Variants in EPB41L5 observed in about 807,000 individuals in gnomAD.
The protein encoded by EPB41L5 is erythrocyte membrane protein band 4.1 like 5.
EPB41L5 carries 55 observed loss-of-function variants against 106.6 expected under a neutral mutation model. That is an observed-to-expected ratio of 0.52 (90% CI 0.42 to 0.65). The LOEUF (loss-of-function observed/expected upper bound fraction) is 0.65. EPB41L5 is among the 30% of genes least tolerant of loss of function. EPB41L5 has a pLI of 0.00. For synonymous variants in EPB41L5, 297 were observed against 306.7 expected, an observed-to-expected ratio of 0.97 and a Z score of 0.33; for missense variants, 871 against 882.1, an observed-to-expected ratio of 0.99 and a Z score of 0.16.
Position 120,019,066 on chromosome 2 carries a change from T to C in EPB41L5, c.-8-11T>C, listed in dbSNP as rs370389592. ...TTTCCTGATGCCATCTTTTTCTCTC[T>C]GTTTTTATAGTGACAAAAATGCTGA... is the stretch of plus-strand genomic sequence containing the variant. On this transcript the variant is annotated splice_polypyrimidine_tract_variant and intron_variant, in intron 1 of 24. Transcript: ENST00000263713. 24 of 1,577,044 alleles carry C rather than the reference T, an allele frequency of 1.5e-5. No homozygotes were observed. In the African/African-American group the frequency reaches 2.2e-4, roughly 14 times the overall value.
chr2:120,128,256 A>AACACACACACGC (rs1553511742), intron 17 of EPB41L5, among the ~76,000 whole-genome samples: 15 of 145,348 alleles, frequency 1.0e-4, no homozygotes, highest in African/African-American at 3.3e-4. Context: ...GGTGCTTTAA[A>AACACACACACGC]ACACACACAC....
intron 2 of EPB41L5, among the ~76,000 whole-genome samples, chr2:120,028,488 A>G (rs1040086986): frequency 3.3e-5 from 5 of 152,166 alleles, no homozygotes; most frequent in Admixed American, 2.6e-4. Context: ...GTGGACTATG[A>G]TCATCCCACT....
chr2:120,044,141 T>TAA (rs201677401), intron 3 of EPB41L5, among the ~76,000 whole-genome samples: 12 of 131,036 alleles, frequency 9.2e-5, no homozygotes, highest in South Asian at 7.4e-4. Context: ...CCCTGTCTCT[T>TAA]AAAAAAAAAA....
intron 3 of EPB41L5, among the ~76,000 whole-genome samples, chr2:120,063,547 T>G (rs1681225815): frequency 6.6e-6 from 1 of 152,064 alleles, no homozygotes; most frequent in African/African-American, 2.4e-5. Context: ...GTACTATGCT[T>G]ATTACCTGGG....
chr2:120,075,240 A>G (rs1270608845), intron 5 of EPB41L5, among the ~76,000 whole-genome samples: 1 of 152,252 alleles, frequency 6.6e-6, no homozygotes, highest in Non-Finnish European at 1.5e-5. Context: ...AAATATTTCT[A>G]GCATAAAGAA....
intron 21 of EPB41L5, among the ~76,000 whole-genome samples, chr2:120,164,496 G>A (rs1687302820): frequency 6.6e-6 from 1 of 152,158 alleles, no homozygotes; most frequent in African/African-American, 2.4e-5. Context: ...ACAGGTGTGA[G>A]CCACTGCATC....
chr2:120,144,914 G>A (rs1233246286), intron 19 of EPB41L5, among the ~76,000 whole-genome samples: 1 of 152,186 alleles, frequency 6.6e-6, no homozygotes, highest in African/African-American at 2.4e-5. Flanking sequence ...CTCAATTCAT[G>A]TAGAAAAGCA....
intron 9 of EPB41L5, 22 bp downstream of exon 9, chr2:120,077,338 T>G: frequency 1.3e-6 from 2 of 1,587,754 alleles, no homozygotes; most frequent in Non-Finnish European, 1.7e-6. Context: ...GTTGTGATGC[T>G]TTTTTAAAAA....
intron 5 of EPB41L5, 55 bp downstream of exon 5, chr2:120,074,233 G>A (rs1461825218): frequency 3.0e-6 from 4 of 1,354,074 alleles, no homozygotes; most frequent in Middle Eastern, 1.8e-4. Flanking sequence ...TTGAAAGACT[G>A]TCTTTATATT....
intron 2 of EPB41L5, among the ~76,000 whole-genome samples, chr2:120,040,774 C>G (rs1679355206): frequency 1.3e-5 from 2 of 151,918 alleles, no homozygotes; most frequent in Non-Finnish European, 2.9e-5. Context: ...AAGGCATGGT[C>G]AAGTTCTTGA....
chr2:120,141,486 G>T (rs1278765232), intron 18 of EPB41L5, among the ~76,000 whole-genome samples: 5 of 152,084 alleles, frequency 3.3e-5, no homozygotes, highest in Non-Finnish European at 7.4e-5. Context: ...TAGGGTAGGG[G>T]ACTAGAATAT....
intron 16 of EPB41L5, among the ~76,000 whole-genome samples, chr2:120,127,464 A>T (rs969247964): frequency 2.0e-5 from 3 of 152,194 alleles, no homozygotes. Flanking sequence ...ACTTTAAATC[A>T]TCTGTAGATT....
At chr2:120,074,821 C>G (rs1470872280) in intron 5 of EPB41L5, among the ~76,000 whole-genome samples, 1 of 152,066 alleles carries the variant, frequency 6.6e-6, no homozygotes, top group African/African-American at 2.4e-5. Context: ...GTAGTTATAT[C>G]CATGTCTGTA....
chr2:120,174,742 T>G (rs1187911754), intron 24 of EPB41L5, 99 bp from the exon 25 acceptor site: 2 of 994,646 alleles, frequency 2.0e-6, no homozygotes, highest in Admixed American at 3.4e-5. Context: ...TGTAATCTGC[T>G]GTACCCTCAA....
At chr2:120,030,880 A>G (rs1678659872) in intron 2 of EPB41L5, among the ~76,000 whole-genome samples, 1 of 149,412 alleles carries the variant, frequency 6.7e-6, no homozygotes, top group African/African-American at 2.5e-5. Context: ...TTTATTAATT[A>G]ATTAATTTAT....
At chr2:120,079,048 G>A (rs913240826) in intron 10 of EPB41L5, among the ~76,000 whole-genome samples, 1 of 152,082 alleles carries the variant, frequency 6.6e-6, no homozygotes, top group African/African-American at 2.4e-5. Context: ...TTTACATCAA[G>A]GATAGATTTT....
intron 20 of EPB41L5, among the ~76,000 whole-genome samples, chr2:120,155,914 G>A (rs1419509242): frequency 6.6e-6 from 1 of 152,172 alleles, no homozygotes; most frequent in East Asian, 1.9e-4. Context: ...TAACTGGCAA[G>A]GAGCAATCTG....
Position 120,090,393 on chromosome 2 carries a change from A to G in EPB41L5, c.920A>G (p.Lys307Arg), listed in dbSNP as rs780336067. The G allele has an allele frequency of 1.2e-6, 2 of 1,613,412 alleles. No individual in the cohort carries two copies. The highest frequency in any genetic ancestry group is 1.7e-6 in the Non-Finnish European group (2 of 1,179,760). ...TTTGTCTTTAGACTGGATCATCCAA[A>G]AGCATGCAAACATTTATGGAAATGT... is the stretch of plus-strand genomic sequence containing the variant. ...HTFVFRLDHP[K>R]ACKHLWKCAV... Residue 307 changes from lysine (K) to arginine (R), a missense_variant, in exon 12 of 25, where the codon AAA (lysine) becomes AGA (arginine). Lys to Arg is a conservative substitution (Grantham distance 26, BLOSUM62 2). Coordinates refer to ENST00000263713, the MANE Select transcript of EPB41L5 (RefSeq NM_020909.4).
chr2:120,145,945 C>CA (rs11341458), intron 19 of EPB41L5, among the ~76,000 whole-genome samples: 2 of 150,324 alleles, frequency 1.3e-5, no homozygotes, highest in Non-Finnish European at 3.0e-5. Flanking sequence ...GACTCAATCT[C>CA]AAAAAAAAAA....
Sources: allele counts gnomAD v4.1 joint callset (sites outside exome capture counted in the v4.1 genomes callset), GRCh38; gene constraint gnomAD v4.1.1; transcripts MANE v1.5; gene names NCBI Gene and HGNC (gene_info 2026-07-23, HGNC 2026-07-21).